PLXNA4: variants seen among roughly 807,000 people sequenced by gnomAD.
PLXNA4 encodes plexin-A4.
PLXNA4 carries 44 observed loss-of-function variants against 191.8 expected under a neutral mutation model. The ratio of observed to expected loss-of-function variants is 0.23; its 90% confidence interval spans 0.18 to 0.29. The LOEUF (loss-of-function observed/expected upper bound fraction) is 0.29. Ranked by LOEUF, PLXNA4 falls within the 10% of genes least tolerant of loss-of-function variation. The pLI, the probability that PLXNA4 is intolerant of heterozygous loss-of-function variation, is 1.00. For synonymous variants in PLXNA4, 1,082 were observed against 1,009.5 expected, an observed-to-expected ratio of 1.07 and a Z score of -1.36; for missense variants, 1,800 against 2,488.8, an observed-to-expected ratio of 0.72 and a Z score of 5.89.
chr7:132,232,871 T>C (rs915238862), intron 5 of PLXNA4, among the ~76,000 whole-genome samples: 3 of 152,206 alleles, frequency 2.0e-5, no homozygotes, highest in African/African-American at 4.8e-5. Flanking sequence ...AATTTCAATT[T>C]GGAAACAGGG....
At chr7:132,442,760 G>A (rs1432404511) in intron 3 of PLXNA4, among the ~76,000 whole-genome samples, 1 of 152,218 alleles carries the variant, frequency 6.6e-6, no homozygotes, top group Non-Finnish European at 1.5e-5. Context: ...CATTAAGCAA[G>A]TAACCAAGCT....
intron 3 of PLXNA4, among the ~76,000 whole-genome samples, chr7:132,321,588 G>C (rs980605607): frequency 6.6e-6 from 1 of 152,192 alleles, no homozygotes; most frequent in African/African-American, 2.4e-5. Context: ...CTGAAATGTT[G>C]GTGCACCATG....
At position 132,148,631 on chromosome 7, in the gene PLXNA4, C is replaced by T. The variant is rs150284097; in HGVS notation, c.4676G>A (p.Ser1559Asn). 2.7e-5 allele frequency: 44 copies of T among 1,614,196 alleles called. No homozygotes were observed. In the African/African-American group the frequency reaches 5.7e-4, roughly 21 times the overall value. The change falls in exon 26 of 32, where the codon AGT becomes AAT. Residue 1559 changes from serine to asparagine, a missense_variant. This residue lies in a region of PLXNA4 where 214 missense variants were observed against 298.2 expected (regional missense o/e 0.72). Coordinates refer to ENST00000321063, the MANE Select transcript of PLXNA4 (RefSeq NM_020911.2). ...ATCCTGCAAGATCATCCTTGCCCCA[C>T]TTCCTTGTCGCCACTCTGCCAAAAG... ...ADMDLEWRQG[S>N]GARMILQDED...
chr7:132,477,676 G>A (rs956042729), intron 3 of PLXNA4, among the ~76,000 whole-genome samples: 3 of 152,130 alleles, frequency 2.0e-5, no homozygotes, highest in African/African-American at 7.2e-5. Flanking sequence ...TTCAGCATTT[G>A]TTACCTTCGG....
chr7:132,563,985 CCTCCTCCTCCTTCTCCTCCTCCTT>C (rs1390276116), intron 1 of PLXNA4, among the ~76,000 whole-genome samples: 280 of 19,652 alleles, frequency 0.014, 8 homozygotes, highest in South Asian at 0.041. Flanking sequence ...TCCTCCTTCT[CCTCCTCCTCCTTCTCCTCCTCCTT>C]CTCCTCCTCC....
intron 12 of PLXNA4, among the ~76,000 whole-genome samples, chr7:132,200,151 G>A (rs1388989703): frequency 3.3e-5 from 5 of 152,208 alleles, no homozygotes; most frequent in Admixed American, 3.3e-4. Context: ...GGTTCCCCTA[G>A]GGCCAACACC....
At chr7:132,523,881 T>G (rs6974251) in intron 1 of PLXNA4, among the ~76,000 whole-genome samples, 144,783 of 152,206 alleles carry the variant, frequency 0.95, 68,971 homozygotes, top group Non-Finnish European at 0.97. Context: ...ATCAGGGCAG[T>G]GGAGCAGAGA....
rs146786499 is a variant in PLXNA4, at chr7:132,509,138, C to T, written c.-86-359G>A. On this transcript the variant is annotated intron_variant, in intron 1 of 31. Transcript: ENST00000321063. ...TCAGGTGCCACCAGCAGGCAGCATC[C>T]GCAAAGACTGGCTGGAGGAGAAGAG... Among the ~76,000 whole-genome samples, 19 of 146,378 alleles carry T rather than the reference C, an allele frequency of 1.3e-4. No individual in the cohort carries two copies. The East Asian group carries it at 2.2e-3, about 17-fold the overall frequency.
intron 3 of PLXNA4, among the ~76,000 whole-genome samples, chr7:132,318,087 A>G (rs1240837199): frequency 6.6e-6 from 1 of 152,200 alleles, no homozygotes; most frequent in East Asian, 1.9e-4. Flanking sequence ...AAGGTCATGA[A>G]CCGAGACAAG....
chr7:132,502,828 T>A (rs2116198680), intron 2 of PLXNA4, among the ~76,000 whole-genome samples: 1 of 152,250 alleles, frequency 6.6e-6, no homozygotes, highest in Admixed American at 6.5e-5. Context: ...TTGTTAACCA[T>A]CAGGTACCAT....
chr7:132,170,934 C>T (rs59721636), intron 21 of PLXNA4, among the ~76,000 whole-genome samples: 20,040 of 152,236 alleles, frequency 0.13, 1,652 homozygotes, highest in African/African-American at 0.22. Flanking sequence ...CAGGCCACAG[C>T]CCCTGCTGGC....
intron 3 of PLXNA4, among the ~76,000 whole-genome samples, chr7:132,307,052 T>C (rs142339685): frequency 3.2e-4 from 48 of 152,222 alleles, no homozygotes; most frequent in Admixed American, 8.5e-4. Flanking sequence ...GCTGGTAGAC[T>C]GGAGGATTTC....
chr7:132,501,089 A>G (rs1251078992), intron 2 of PLXNA4, among the ~76,000 whole-genome samples: 1 of 134,366 alleles, frequency 7.4e-6, no homozygotes, highest in African/African-American at 2.9e-5. Flanking sequence ...CTCACACTGC[A>G]TGAGGCGTGT....
In PLXNA4 at chr7:132,543,598, G is replaced by T. The variant is rs1408912487; in HGVS notation, c.-87+32824C>A. ...TACTAGAAGCAAAAACCTCCCAGCTGGTATTTGATTTGACTGGAACATTGG... is the reference window on the plus strand; with the variant it reads ...TACTAGAAGCAAAAACCTCCCAGCTTGTATTTGATTTGACTGGAACATTGG... On this transcript the variant is annotated intron_variant, in intron 1 of 31. Coordinates refer to ENST00000321063, the MANE Select transcript of PLXNA4 (RefSeq NM_020911.2). 2.6e-5 allele frequency among the ~76,000 whole-genome samples: 4 copies of T among 152,298 alleles called. No homozygotes were observed. In the East Asian group the frequency reaches 7.7e-4, roughly 29 times the overall value.
At chr7:132,346,349 AC>A (rs1169811589) in intron 3 of PLXNA4, among the ~76,000 whole-genome samples, 2 of 152,218 alleles carry the variant, frequency 1.3e-5, no homozygotes, top group Admixed American at 1.3e-4. Flanking sequence ...CAGTGTTTTA[AC>A]AAAACAAAAT....
At chr7:132,349,945 C>T (rs1803415514) in intron 3 of PLXNA4, among the ~76,000 whole-genome samples, 1 of 151,812 alleles carries the variant, frequency 6.6e-6, no homozygotes, top group Admixed American at 6.6e-5. Flanking sequence ...CCCATTGTAC[C>T]ATCCCAAAAA....
At chr7:132,290,932 C>T (rs1054961479) in intron 4 of PLXNA4, among the ~76,000 whole-genome samples, 1 of 152,308 alleles carries the variant, frequency 6.6e-6, no homozygotes, top group South Asian at 2.1e-4. Flanking sequence ...AATCTAATAG[C>T]TAACGTTTGC....
At chr7:132,294,272 G>T (rs1240116395) in intron 4 of PLXNA4, among the ~76,000 whole-genome samples, 1 of 152,216 alleles carries the variant, frequency 6.6e-6, no homozygotes, top group Non-Finnish European at 1.5e-5. Flanking sequence ...TCCTGAAGCA[G>T]GAGCCTGCCA....
rs111604748 is a variant in PLXNA4, at chr7:132,142,834, G to C, written c.5226-2023C>G. Reference sequence around the variant, plus strand: ...AAATCTCTGTTTACATCTTCCTGTTGTTCCACAAGTTACACCAAGGATAGG... The same window carrying C: ...AAATCTCTGTTTACATCTTCCTGTTCTTCCACAAGTTACACCAAGGATAGG... On this transcript the variant is annotated intron_variant, in intron 29 of 31. Transcript: ENST00000321063. 5.2e-3 allele frequency among the ~76,000 whole-genome samples: 793 copies of C among 152,284 alleles called. 6 individuals are homozygous for C. Among genetic ancestry groups the C allele is most frequent in the African/African-American group, 0.018 (735 of 41,550 alleles).
Sources: allele counts gnomAD v4.1 joint callset (sites outside exome capture counted in the v4.1 genomes callset), GRCh38; gene constraint gnomAD v4.1.1; regional missense constraint gnomAD v4.1.1; transcripts MANE v1.5; gene names NCBI Gene and HGNC (gene_info 2026-07-23, HGNC 2026-07-21).